TPST1: variants seen among roughly 807,000 people sequenced by gnomAD.
TPST1 encodes the protein protein-tyrosine sulfotransferase 1.
A neutral mutation model predicts 34.8 loss-of-function variants in TPST1; 20 were observed. That is an observed-to-expected ratio of 0.57 (90% CI 0.40 to 0.84). The LOEUF (loss-of-function observed/expected upper bound fraction) is 0.84, where lower values mean the gene tolerates loss of function less well. Ranked by LOEUF, TPST1 falls within the 40% of genes least tolerant of loss-of-function variation. The pLI is 0.00. For synonymous variants in TPST1, 152 were observed against 159.4 expected (o/e 0.95, Z 0.35); for missense variants, 353 against 455.5 (o/e 0.78, Z 2.05).
At chr7:66,269,978 T>TG (rs1378594503) in intron 2 of TPST1, among the ~76,000 whole-genome samples, 2 of 151,534 alleles carry the variant, frequency 1.3e-5, no homozygotes, top group African/African-American at 4.8e-5. Flanking sequence ...AAGGTTATAG[T>TG]GGAAAAAAGG....
intron 3 of TPST1, among the ~76,000 whole-genome samples, chr7:66,328,546 T>A (rs1020634846): frequency 1.1e-4 from 17 of 151,860 alleles, no homozygotes; most frequent in Non-Finnish European, 2.4e-4. Context: ...TGAAATAGTT[T>A]TTTTTTGTTG....
At chr7:66,346,681 TC>T (rs1792358485) in intron 3 of TPST1, among the ~76,000 whole-genome samples, 2 of 152,234 alleles carry the variant, frequency 1.3e-5, no homozygotes, top group African/African-American at 4.8e-5. Flanking sequence ...ATTGTATTAT[TC>T]GATTTTTTAT....
At position 66,332,969 on chromosome 7, in the gene TPST1, C is replaced by G. The variant is rs948875958; in HGVS notation, c.1045-19536C>G. ...GGCCGTGGTGACAGATGAAGTGGCA[C>G]TGGGCTTAGTAAGGGTAAGAAAGCT... is the stretch of plus-strand genomic sequence containing the variant. On this transcript the variant is annotated intron_variant, in intron 3 of 5. Transcript: ENST00000304842. This position sits in a 1 kb window ranked among gnomAD's most constrained non-coding sequence, Gnocchi z 4.5. 1.3e-5 allele frequency among the ~76,000 whole-genome samples: 2 copies of G among 152,084 alleles called. No homozygotes were observed. The highest frequency in any genetic ancestry group is 2.9e-5 in the Non-Finnish European group (2 of 68,014).
intron 2 of TPST1, among the ~76,000 whole-genome samples, chr7:66,281,618 CTT>C (rs1562828034): frequency 6.6e-6 from 1 of 152,134 alleles, no homozygotes; most frequent in African/African-American, 2.4e-5. Flanking sequence ...TAGTGAAAGT[CTT>C]TGAAAACATG....
At chr7:66,209,737 T>C (rs985983144) in intron 1 of TPST1, among the ~76,000 whole-genome samples, 1 of 152,080 alleles carries the variant, frequency 6.6e-6, no homozygotes, top group Non-Finnish European at 1.5e-5. Context: ...ACTCTAAGGG[T>C]AGGGCTTTGA....
intron 2 of TPST1, among the ~76,000 whole-genome samples, chr7:66,270,150 GAA>G (rs1790677505): frequency 6.6e-6 from 1 of 152,180 alleles, no homozygotes; most frequent in South Asian, 2.1e-4. Context: ...CAGGCAGAGA[GAA>G]GAGTCACAGT....
At chr7:66,211,914 C>A (rs1206585222) in intron 1 of TPST1, among the ~76,000 whole-genome samples, 2 of 152,118 alleles carry the variant, frequency 1.3e-5, no homozygotes, top group African/African-American at 4.8e-5. Flanking sequence ...CGCAGTGAGC[C>A]AACATTGCAC....
intron 2 of TPST1, among the ~76,000 whole-genome samples, chr7:66,242,165 G>C (rs911181297): frequency 2.6e-5 from 4 of 151,910 alleles, no homozygotes; most frequent in East Asian, 1.9e-4. Context: ...ATTAAATTCA[G>C]GTAGCATCTC....
intron 1 of TPST1, among the ~76,000 whole-genome samples, chr7:66,210,499 C>T (rs749152236): frequency 3.3e-5 from 5 of 152,130 alleles, no homozygotes; most frequent in Non-Finnish European, 5.9e-5. Flanking sequence ...GATGGGGGAT[C>T]GAGGCATCCA....
chr7:66,272,229 A>G (rs528524120), intron 2 of TPST1, among the ~76,000 whole-genome samples: 3 of 152,372 alleles, frequency 2.0e-5, no homozygotes, highest in East Asian at 3.9e-4. Flanking sequence ...ACAAAATATT[A>G]GGAAACAAAA....
Position 66,225,870 on chromosome 7 carries a change from G to T in TPST1, c.-101-14455G>T, listed in dbSNP as rs79556736. On this transcript the variant is annotated intron_variant, in intron 1 of 5. Coordinates refer to ENST00000304842, the MANE Select transcript of TPST1 (RefSeq NM_003596.4). Reference sequence around the variant, plus strand: ...AAAAGGTACTTCCCAGTTTGGTTAGGTACCTGTTTTGTTTTTGTTTTTGTT... The same window carrying T: ...AAAAGGTACTTCCCAGTTTGGTTAGTTACCTGTTTTGTTTTTGTTTTTGTT... 5.1e-3 allele frequency among the ~76,000 whole-genome samples: 771 copies of T among 152,126 alleles called. 37 individuals are homozygous for T. In the East Asian group the frequency reaches 0.1, roughly 20 times the overall value.
intron 1 of TPST1, among the ~76,000 whole-genome samples, chr7:66,229,302 G>A (rs1400565562): frequency 6.6e-6 from 1 of 152,098 alleles, no homozygotes; most frequent in Non-Finnish European, 1.5e-5. Flanking sequence ...AGTAGAGACG[G>A]GGTTTCACTG....
chr7:66,354,481 G>T (rs1258474104), intron 4 of TPST1, among the ~76,000 whole-genome samples: 2 of 133,642 alleles, frequency 1.5e-5, no homozygotes, highest in Non-Finnish European at 3.1e-5. Flanking sequence ...GGTGGTGTGC[G>T]CCTGTAATCC....
chr7:66,317,839 A>G (rs1223739715), intron 3 of TPST1, among the ~76,000 whole-genome samples: 1 of 152,280 alleles, frequency 6.6e-6, no homozygotes, highest in South Asian at 2.1e-4. Context: ...GACATTACAC[A>G]TATTTATTAT....
chr7:66,328,904 ATATTTTTTTT>A lies in TPST1; in HGVS notation c.1045-23599_1045-23590del, dbSNP rs1460129315. ...TCTCTCTCTATATATATATATATAT[ATATTTTTTTT>A]TTTTTTTTTTTTTTTGAGACAGGGT... On this transcript the variant is annotated intron_variant, in intron 3 of 5. Transcript: ENST00000304842. Among the ~76,000 whole-genome samples, 4 of 25,998 alleles carry A rather than the reference ATATTTTTTTT, an allele frequency of 1.5e-4. No homozygotes were observed. The East Asian group carries it at 4.1e-3, about 27-fold the overall frequency. 17.1% of individuals were successfully genotyped at this position (25,998 alleles called of 152,430 possible). A position where few individuals can be genotyped will look rare whatever the true frequency, so the allele number is the denominator to read the frequency against.
chr7:66,257,120 T>A (rs1790396908), intron 2 of TPST1, among the ~76,000 whole-genome samples: 1 of 152,106 alleles, frequency 6.6e-6, no homozygotes. Flanking sequence ...CTAATTTTTT[T>A]ATTTTTAGTG....
chr7:66,238,462 C>T (rs1019938951), intron 1 of TPST1, among the ~76,000 whole-genome samples: 1 of 144,056 alleles, frequency 6.9e-6, no homozygotes, highest in African/African-American at 2.6e-5. Context: ...TCAGTCAGTA[C>T]TGAAACAGTT....
At chr7:66,206,041 C>G (rs1789121736) in intron 1 of TPST1, 1 of 152,484 alleles carries the variant, frequency 6.6e-6, no homozygotes, top group African/African-American at 2.4e-5. Flanking sequence ...ACTTTGACCA[C>G]CCACCATCGC....
At position 66,340,623 on chromosome 7, in the gene TPST1, A is replaced by G. The variant is rs1397161695; in HGVS notation, c.1045-11882A>G. On this transcript the variant is annotated intron_variant, in intron 3 of 5. Coordinates refer to ENST00000304842, the MANE Select transcript of TPST1 (RefSeq NM_003596.4). ...CAAGCAATCTGAAAAAGAAATCAGA[A>G]AAGCAATCCCATTTACATAGCTACA... Among the ~76,000 whole-genome samples the G allele has an allele frequency of 2.6e-5, 4 of 152,230 alleles. No individual in the cohort carries two copies. In the East Asian group the frequency reaches 7.7e-4, roughly 29 times the overall value.
Sources: gnomAD v4.1 joint callset for allele counts (sites outside exome capture counted in the v4.1 genomes callset) on GRCh38, gnomAD v4.1.1 for gene constraint, Gnocchi (gnomAD v3.1) non-coding constraint, MANE v1.5 for transcripts, NCBI Gene and HGNC (gene_info 2026-07-23, HGNC 2026-07-21) for gene names.